SCARB2: variants seen among roughly 807,000 people sequenced by gnomAD.
SCARB2 encodes the protein scavenger receptor class B member 2, also known as lysosome membrane protein 2.
A neutral mutation model predicts 58.6 loss-of-function variants in SCARB2; 29 were observed. The ratio of observed to expected loss-of-function variants is 0.49; its 90% CI spans 0.37 to 0.67. The LOEUF (loss-of-function observed/expected upper bound fraction) is 0.67. Ranked by LOEUF, SCARB2 falls within the 30% of genes least tolerant of loss-of-function variation. The pLI is 0.00. For missense variants in SCARB2, 488 were observed against 578.5 expected (o/e 0.84, Z 1.60); for synonymous variants, 195 against 210.1 (o/e 0.93, Z 0.62).
At chr4:76,207,272 A>G (rs904454871) in intron 1 of SCARB2, among the ~76,000 whole-genome samples, 1 of 152,232 alleles carries the variant, frequency 6.6e-6, no homozygotes, top group African/African-American at 2.4e-5. Flanking sequence ...TGTTTTAAAC[A>G]TTTCTCAAAA....
At chr4:76,162,973 C>T in intron 11 of SCARB2, 2 of 605,666 alleles carry the variant, frequency 3.3e-6, no homozygotes, top group South Asian at 4.0e-5. Context: ...AAAGTTAACT[C>T]CCAGGGGATA....
intron 1 of SCARB2, among the ~76,000 whole-genome samples, chr4:76,196,541 C>T (rs1397304162): frequency 6.6e-6 from 1 of 152,086 alleles, no homozygotes; most frequent in Non-Finnish European, 1.5e-5. Context: ...TTAAGCAATT[C>T]TGAAAAGCAC....
chr4:76,169,317 T>TACACACACACACACACACAC (rs1553947566), intron 8 of SCARB2, among the ~76,000 whole-genome samples: 1 of 127,398 alleles, frequency 7.8e-6, no homozygotes, highest in African/African-American at 3.5e-5. Context: ...ATGTGTATTA[T>TACACACACACACACACACAC]ACACACACAC....
At chr4:76,213,171 G>C in intron 1 of SCARB2, 1 of 492,538 alleles carries the variant, frequency 2.0e-6, no homozygotes, top group Non-Finnish European at 3.7e-6. Flanking sequence ...GCAAACGACA[G>C]AACACAACCG....
At chr4:76,216,982 C>G (rs1212492264), upstream of SCARB2, among the ~76,000 whole-genome samples, 1 of 152,188 alleles carries the variant, frequency 6.6e-6, no homozygotes, top group Non-Finnish European at 1.5e-5. Flanking sequence ...TGTTCAGTTC[C>G]ATCTTCTCTA....
chr4:76,174,550 T>G lies in SCARB2; in HGVS notation c.825-237A>C, dbSNP rs1219924756. 6.0e-6 allele frequency: 3 copies of G among 501,434 alleles called. No homozygotes were observed. In the Admixed American group the frequency reaches 9.8e-5, roughly 16 times the overall value. The allele number at this position is 501,434 out of a possible 1,614,324, so 31.1% of individuals were successfully genotyped here. On this transcript the variant is annotated intron_variant, in intron 6 of 11. Coordinates refer to ENST00000264896, the MANE Select transcript of SCARB2 (RefSeq NM_005506.4). Reference sequence around the variant, plus strand: ...ATCATCCAAACAAGAAAAAACAATATGTGGTACAAAATTAAGATGATAACA... The same window carrying G: ...ATCATCCAAACAAGAAAAAACAATAGGTGGTACAAAATTAAGATGATAACA...
At chr4:76,229,258 A>G (rs1015594485) in intron 1 of SCARB2, among the ~76,000 whole-genome samples, 1 of 151,838 alleles carries the variant, frequency 6.6e-6, no homozygotes, top group Non-Finnish European at 1.5e-5. Context: ...ATTGTTTTTT[A>G]AATTTCTTTA....
chr4:76,210,989 A>G (rs533965701), intron 1 of SCARB2, among the ~76,000 whole-genome samples: 26 of 152,366 alleles, frequency 1.7e-4, no homozygotes, highest in African/African-American at 5.8e-4. Context: ...TTATAACTAC[A>G]TTAGAATCAA....
In SCARB2 at chr4:76,195,875, A is replaced by C; in HGVS notation, c.118-11T>G. 6.2e-7 allele frequency: 1 copy of C among 1,605,306 alleles called. No homozygotes were observed. Among genetic ancestry groups the C allele is most frequent in the Non-Finnish European group, 8.5e-7 (1 of 1,176,824 alleles). On this transcript the variant is annotated splice_polypyrimidine_tract_variant and intron_variant, in intron 1 of 11. Coordinates refer to ENST00000264896, the MANE Select transcript of SCARB2 (RefSeq NM_005506.4). ...CCTTAACACAATTTTCTAGGAAAAA[A>C]CCAAAAGGAGATTTACAAAAATGTA...
upstream of SCARB2, among the ~76,000 whole-genome samples, chr4:76,214,792 G>A (rs1407541020): frequency 1.3e-5 from 2 of 152,230 alleles, no homozygotes; most frequent in African/African-American, 2.4e-5. Flanking sequence ...ATGAATAGGA[G>A]GTTGTGTTTG....
intron 1 of SCARB2, among the ~76,000 whole-genome samples, chr4:76,204,909 C>A (rs1177040618): frequency 1.3e-5 from 2 of 152,126 alleles, no homozygotes; most frequent in African/African-American, 2.4e-5. Flanking sequence ...AAGAAAATAT[C>A]CTTAAAATGG....
chr4:76,226,641 C>T (rs918509296), intron 1 of SCARB2, among the ~76,000 whole-genome samples: 3 of 152,144 alleles, frequency 2.0e-5, no homozygotes. Context: ...GACTCTTCTA[C>T]GTTATGTCAG....
intron 10 of SCARB2, 105 bp from the exon 11 acceptor site, chr4:76,163,488 G>A: frequency 8.3e-7 from 1 of 1,205,104 alleles, no homozygotes; most frequent in Non-Finnish European, 1.2e-6. Flanking sequence ...ATGTCCTCCT[G>A]TTAGCAAACC....
intron 2 of SCARB2, 49 bp downstream of exon 2, chr4:76,195,658 T>C (rs373734928): frequency 6.8e-5 from 105 of 1,545,542 alleles, no homozygotes; most frequent in African/African-American, 8.1e-5. Flanking sequence ...TCAGGCCATA[T>C]TGGGGTCACT....
intron 2 of SCARB2, among the ~76,000 whole-genome samples, chr4:76,186,562 G>A (rs138100816): frequency 3.3e-5 from 5 of 152,268 alleles, no homozygotes; most frequent in Admixed American, 1.3e-4. Context: ...TACAAAGCAG[G>A]ATACTGAGAA....
chr4:76,193,275 TA>T (rs1732643068), intron 2 of SCARB2: 1 of 152,278 alleles, frequency 6.6e-6, no homozygotes, highest in African/African-American at 2.4e-5. Flanking sequence ...TCAGATGATG[TA>T]TGAGAAAGCC....
intron 7 of SCARB2, among the ~76,000 whole-genome samples, chr4:76,171,016 C>A (rs1307887592): frequency 6.7e-6 from 1 of 149,832 alleles, no homozygotes; most frequent in Non-Finnish European, 1.5e-5. Flanking sequence ...TATTCTAGAT[C>A]TGGCTATTGA....
chr4:76,171,611 T>G (rs771286700), intron 7 of SCARB2, among the ~76,000 whole-genome samples: 3 of 152,250 alleles, frequency 2.0e-5, no homozygotes, highest in Non-Finnish European at 4.4e-5. Context: ...AGAATACTTC[T>G]GTTGATTCTG....
At chr4:76,166,324 T>C (rs376271169) in intron 9 of SCARB2, 23 bp from the exon 10 acceptor site, 7 of 1,613,138 alleles carry the variant, frequency 4.3e-6, no homozygotes, top group Non-Finnish European at 8.5e-7. Flanking sequence ...AGGATGAGAT[T>C]GTTTCAGAAA....
Sources: gnomAD v4.1 joint callset for allele counts (sites outside exome capture counted in the v4.1 genomes callset) on GRCh38, gnomAD v4.1.1 for gene constraint, MANE v1.5 for transcripts, NCBI Gene and HGNC (gene_info 2026-07-23, HGNC 2026-07-21) for gene names.